Variants in QTMAN observed in about 807,000 individuals in gnomAD.
QTMAN encodes the protein tRNA-queuosine alpha-mannosyltransferase.
the QTMAN span, among the ~76,000 whole-genome samples, chr2:144,203,088 A>AG: frequency 1.3e-5 from 2 of 152,104 alleles, no homozygotes; most frequent in African/African-American, 4.8e-5. Flanking sequence ...GAAAAGATGA[A>AG]GCCTAGAAAC....
At chr2:144,012,838 T>G in the QTMAN span, among the ~76,000 whole-genome samples, 1 of 152,076 alleles carries the variant, frequency 6.6e-6, no homozygotes, top group Non-Finnish European at 1.5e-5. Context: ...GATACAAGAT[T>G]ATTCCATATT....
chr2:144,276,000 G>A, the QTMAN span, among the ~76,000 whole-genome samples: 6 of 151,876 alleles, frequency 4.0e-5, no homozygotes, highest in East Asian at 5.8e-4. Flanking sequence ...ACATGCACAC[G>A]TGAAATTTTA....
chr2:144,209,324 A>G, the QTMAN span, among the ~76,000 whole-genome samples: 1 of 152,248 alleles, frequency 6.6e-6, no homozygotes, highest in African/African-American at 2.4e-5. Context: ...TTCATCAGGT[A>G]TAACTGCCCC....
At chr2:144,300,804 A>G in the QTMAN span, among the ~76,000 whole-genome samples, 1 of 152,158 alleles carries the variant, frequency 6.6e-6, no homozygotes, top group African/African-American at 2.4e-5. Context: ...AAGGAAAAAA[A>G]ATAATAACTC....
the QTMAN span, among the ~76,000 whole-genome samples, chr2:144,252,629 C>A: frequency 6.6e-6 from 1 of 152,182 alleles, no homozygotes; most frequent in Non-Finnish European, 1.5e-5. Context: ...ACATTGCTCA[C>A]CACTGCTCCT....
At chr2:144,202,268 CTA>C in the QTMAN span, among the ~76,000 whole-genome samples, 1 of 152,166 alleles carries the variant, frequency 6.6e-6, no homozygotes, top group African/African-American at 2.4e-5. Flanking sequence ...CATCGTAGCT[CTA>C]GAGGCCCCAT....
chr2:144,040,733 A>C, the QTMAN span, among the ~76,000 whole-genome samples: 1 of 152,310 alleles, frequency 6.6e-6, no homozygotes, highest in South Asian at 2.1e-4. Context: ...TGGGAGACTA[A>C]AAAGGGAGAC....
the QTMAN span, among the ~76,000 whole-genome samples, chr2:144,272,248 G>C: frequency 6.6e-6 from 1 of 152,016 alleles, no homozygotes; most frequent in Non-Finnish European, 1.5e-5. Context: ...TGCATCTATT[G>C]TATAAAGTTA....
At chr2:144,255,170 T>A in the QTMAN span, among the ~76,000 whole-genome samples, 8 of 152,202 alleles carry the variant, frequency 5.3e-5, 1 homozygote, top group Middle Eastern at 3.4e-3. Flanking sequence ...GATAGAAGAT[T>A]TGGGAGGGGC....
chr2:144,159,877 G>C, the QTMAN span, among the ~76,000 whole-genome samples: 1 of 152,108 alleles, frequency 6.6e-6, no homozygotes, highest in Non-Finnish European at 1.5e-5. Flanking sequence ...GACCTTGAAT[G>C]CAAGGCTTAC....
the QTMAN span, among the ~76,000 whole-genome samples, chr2:144,262,647 G>GAAGAAGAAGAAGAAGAAGAAGAA: frequency 1.0e-5 from 1 of 96,696 alleles, no homozygotes; most frequent in Non-Finnish European, 2.1e-5. Flanking sequence ...GAGAGGGGAG[G>GAAGAAGAAGAAGAAGAAGAAGAA]GGAGATGGAA....
At chr2:144,302,285 T>C in the QTMAN span, among the ~76,000 whole-genome samples, 50 of 151,966 alleles carry the variant, frequency 3.3e-4, no homozygotes, top group East Asian at 6.6e-3. Flanking sequence ...GTCTGTGGAC[T>C]AAAAGATATT....
At chr2:144,209,742 G>A in the QTMAN span, among the ~76,000 whole-genome samples, 1 of 152,080 alleles carries the variant, frequency 6.6e-6, no homozygotes. Context: ...GTTATTTCCT[G>A]TAAGACATAG....
At chr2:144,223,000 T>C in the QTMAN span, among the ~76,000 whole-genome samples, 1 of 152,192 alleles carries the variant, frequency 6.6e-6, no homozygotes, top group African/African-American at 2.4e-5. Flanking sequence ...GGAAAATCAA[T>C]AAATATTAAC....
At chr2:144,150,786 T>C in the QTMAN span, among the ~76,000 whole-genome samples, 5 of 152,134 alleles carry the variant, frequency 3.3e-5, no homozygotes, top group African/African-American at 9.7e-5. Context: ...CTATGGAAAA[T>C]GTTTTAAGCA....
chr2:144,101,553 A>G, the QTMAN span, among the ~76,000 whole-genome samples: 1 of 152,192 alleles, frequency 6.6e-6, no homozygotes, highest in Admixed American at 6.5e-5. Context: ...ACACTGGCAC[A>G]TAACAATCTT....
chr2:144,059,684 T>C, the QTMAN span, among the ~76,000 whole-genome samples: 3 of 152,120 alleles, frequency 2.0e-5, no homozygotes, highest in African/African-American at 2.4e-5. Flanking sequence ...AATGAACAAA[T>C]GCAAACTCAT....
chr2:144,028,173 C>T, the QTMAN span, among the ~76,000 whole-genome samples: 1 of 152,138 alleles, frequency 6.6e-6, no homozygotes, highest in Non-Finnish European at 1.5e-5. Context: ...AGCAACCACA[C>T]CACTCTGCTC....
chr2:144,167,778 T>C, the QTMAN span, among the ~76,000 whole-genome samples: 4 of 152,188 alleles, frequency 2.6e-5, no homozygotes, highest in Non-Finnish European at 4.4e-5. Context: ...TATTTCTTCA[T>C]AGCAGTGTGA....
Sources: gnomAD v4.1 joint callset for allele counts (sites outside exome capture counted in the v4.1 genomes callset) on GRCh38, gnomAD v4.1.1 for gene constraint, MANE v1.5 for transcripts, NCBI Gene and HGNC (gene_info 2026-07-23, HGNC 2026-07-21) for gene names.